SLC44A5: variants seen among roughly 807,000 people sequenced by gnomAD.
SLC44A5 encodes the protein choline transporter-like protein 5.
In SLC44A5, 57 loss-of-function variants were observed where a neutral mutation model predicts 101.8. The ratio of observed to expected loss-of-function variants is 0.56; its 90% CI spans 0.45 to 0.70. SLC44A5 has a LOEUF of 0.70. Ranked by LOEUF, SLC44A5 falls within the 30% of genes least tolerant of loss-of-function variation. The pLI is 0.00. For synonymous variants in SLC44A5, 281 were observed against 290.9 expected (o/e 0.97, Z 0.35); for missense variants, 737 against 853.1 (o/e 0.86, Z 1.70).
chr1:75,359,211 A>G (rs1451985128), intron 3 of SLC44A5, among the ~76,000 whole-genome samples: 1 of 140,130 alleles, frequency 7.1e-6, no homozygotes, highest in Non-Finnish European at 1.6e-5. Context: ...GCTATTATGT[A>G]TATATGCCAT....
intron 5 of SLC44A5, among the ~76,000 whole-genome samples, chr1:75,297,095 T>G (rs562412924): frequency 6.6e-6 from 1 of 152,272 alleles, no homozygotes; most frequent in Non-Finnish European, 1.5e-5. Flanking sequence ...TGGTCTTGTT[T>G]GCATTAACTT....
At chr1:75,393,309 T>C (rs1158331714) in intron 3 of SLC44A5, among the ~76,000 whole-genome samples, 1 of 152,208 alleles carries the variant, frequency 6.6e-6, no homozygotes, top group Non-Finnish European at 1.5e-5. Context: ...TGAAGGATTA[T>C]TATGAAACAA....
chr1:75,615,681 AG>A (rs567913229), upstream of SLC44A5, among the ~76,000 whole-genome samples: 904 of 152,150 alleles, frequency 5.9e-3, 6 homozygotes, highest in Non-Finnish European at 7.3e-3. Flanking sequence ...CCCGGAGGCC[AG>A]GGGAGGTGCA....
chr1:75,312,452 G>A (rs899726957), intron 4 of SLC44A5, among the ~76,000 whole-genome samples: 2 of 152,024 alleles, frequency 1.3e-5, no homozygotes, highest in African/African-American at 4.8e-5. Context: ...TTTGAGAGGT[G>A]ATTAGTTTCT....
At chr1:75,682,974 A>T in the SLC44A5 span, among the ~76,000 whole-genome samples, 4 of 152,202 alleles carry the variant, frequency 2.6e-5, no homozygotes, top group South Asian at 8.3e-4. Flanking sequence ...TCAAAAGAAG[A>T]CATTTATGCA....
the SLC44A5 span, among the ~76,000 whole-genome samples, chr1:75,712,884 A>G: frequency 6.6e-6 from 1 of 152,138 alleles, no homozygotes; most frequent in Non-Finnish European, 1.5e-5. Flanking sequence ...AACTACTGTC[A>G]TAATTCTTAA....
At chr1:75,433,393 T>C (rs1249750429) in intron 2 of SLC44A5, among the ~76,000 whole-genome samples, 1 of 152,164 alleles carries the variant, frequency 6.6e-6, no homozygotes, top group Non-Finnish European at 1.5e-5. Context: ...CTACACAGCA[T>C]TTGATATTGC....
chr1:75,647,584 G>A, the SLC44A5 span, among the ~76,000 whole-genome samples: 473 of 152,278 alleles, frequency 3.1e-3, 1 homozygote, highest in Middle Eastern at 6.8e-3. Context: ...CAGCCAAGAA[G>A]GGGGCTGTAC....
chr1:75,251,899 A>G (rs1649612010), intron 6 of SLC44A5, among the ~76,000 whole-genome samples: 1 of 152,186 alleles, frequency 6.6e-6, no homozygotes, highest in Non-Finnish European at 1.5e-5. Flanking sequence ...TGAGTGGTAT[A>G]TTACTCTGCC....
intron 4 of SLC44A5, among the ~76,000 whole-genome samples, chr1:75,311,171 C>T (rs1247620365): frequency 6.6e-6 from 1 of 151,324 alleles, no homozygotes; most frequent in Non-Finnish European, 1.5e-5. Flanking sequence ...AGTTGGAGTG[C>T]ATTGGCACGA....
At chr1:75,646,824 A>G in the SLC44A5 span, among the ~76,000 whole-genome samples, 23 of 152,160 alleles carry the variant, frequency 1.5e-4, no homozygotes, top group Non-Finnish European at 3.1e-4. Context: ...TGAACTTGAG[A>G]GAGATAATTT....
intron 1 of SLC44A5, among the ~76,000 whole-genome samples, chr1:75,600,614 T>C (rs1674918648): frequency 6.6e-6 from 1 of 152,124 alleles, no homozygotes; most frequent in Non-Finnish European, 1.5e-5. Flanking sequence ...CATAATGACA[T>C]TTTAGTCAAT....
intron 2 of SLC44A5, among the ~76,000 whole-genome samples, chr1:75,476,605 C>T (rs976272792): frequency 3.9e-5 from 6 of 152,248 alleles, no homozygotes; most frequent in African/African-American, 9.6e-5. Flanking sequence ...TTATATCCCA[C>T]ACCTGGCTCG....
intron 2 of SLC44A5, among the ~76,000 whole-genome samples, chr1:75,521,096 C>A (rs531481174): frequency 7.2e-5 from 11 of 152,138 alleles, no homozygotes; most frequent in Non-Finnish European, 1.3e-4. Flanking sequence ...CAGCAATAAA[C>A]TCTGTTCAAC....
At chr1:75,595,231 T>A (rs970134472) in intron 1 of SLC44A5, among the ~76,000 whole-genome samples, 1 of 152,058 alleles carries the variant, frequency 6.6e-6, no homozygotes, top group East Asian at 1.9e-4. Flanking sequence ...AAAGACTAAC[T>A]CCAGGTTGAC....
At chr1:75,363,598 A>C in intron 3 of SLC44A5, among the ~76,000 whole-genome samples, 1 of 152,128 alleles carries the variant, frequency 6.6e-6, no homozygotes, top group East Asian at 1.9e-4. Context: ...TTGACTTCAA[A>C]ATGTACACCT....
chr1:75,681,749 T>C, the SLC44A5 span, among the ~76,000 whole-genome samples: 1 of 150,028 alleles, frequency 6.7e-6, no homozygotes, highest in Admixed American at 6.7e-5. Flanking sequence ...TGTTGGAAGT[T>C]CTGGCCAGGG....
At chr1:75,484,582 G>A (rs772190170) in intron 2 of SLC44A5, among the ~76,000 whole-genome samples, 21 of 152,314 alleles carry the variant, frequency 1.4e-4, no homozygotes, top group African/African-American at 4.1e-4. Context: ...AGTGCAAGCC[G>A]TTGGTGTATC....
chr1:75,699,631 T>C, the SLC44A5 span, among the ~76,000 whole-genome samples: 1 of 141,114 alleles, frequency 7.1e-6, no homozygotes. Flanking sequence ...AACATCATAA[T>C]GACAGGACCA....
Sources: gnomAD v4.1 joint callset for allele counts (sites outside exome capture counted in the v4.1 genomes callset) on GRCh38, gnomAD v4.1.1 for gene constraint, MANE v1.5 for transcripts, NCBI Gene and HGNC (gene_info 2026-07-23, HGNC 2026-07-21) for gene names.